Variants in PDZD2 observed in about 807,000 individuals in gnomAD.
The protein encoded by PDZD2 is PDZ domain-containing protein 2.
A neutral mutation model predicts 220.7 loss-of-function variants in PDZD2; 90 were observed. The ratio of observed to expected loss-of-function variants is 0.41; its 90% CI spans 0.34 to 0.49. The LOEUF (loss-of-function observed/expected upper bound fraction) is 0.49, where lower values mean the gene tolerates loss of function less well. PDZD2 is among the 20% of genes least tolerant of loss of function. PDZD2 has a pLI of 0.28. For synonymous variants in PDZD2, 1,375 were observed against 1,450.5 expected (o/e 0.95, Z 1.18); for missense variants, 3,174 against 3,608.5 (o/e 0.88, Z 3.08).
intron 2 of PDZD2, chr5:31,823,095 T>C: frequency 1.2e-6 from 1 of 843,590 alleles, no homozygotes; most frequent in South Asian, 1.3e-5. Flanking sequence ...TATTGACATT[T>C]TCTGGAATGT....
At chr5:31,970,748 C>T (rs950195854) in intron 2 of PDZD2, among the ~76,000 whole-genome samples, 2 of 152,170 alleles carry the variant, frequency 1.3e-5, no homozygotes, top group African/African-American at 2.4e-5. Context: ...TTGTCACCCT[C>T]TTGCTAAAGG....
At chr5:31,811,341 A>G (rs558439917) in intron 2 of PDZD2, among the ~76,000 whole-genome samples, 65 of 152,344 alleles carry the variant, frequency 4.3e-4, no homozygotes, top group African/African-American at 1.4e-3. Flanking sequence ...GTTGAATTGT[A>G]TGGATCTCTT....
chr5:31,956,758 CAAAAAAAAAA>C (rs70957986), intron 2 of PDZD2, among the ~76,000 whole-genome samples: 2 of 73,704 alleles, frequency 2.7e-5, no homozygotes, highest in Non-Finnish European at 4.8e-5. Flanking sequence ...GACTCCATCT[CAAAAAAAAAA>C]AAAAAAAAAA....
intron 2 of PDZD2, among the ~76,000 whole-genome samples, chr5:31,812,072 A>C (rs13182171): frequency 0.24 from 37,188 of 151,904 alleles, 6,078 homozygotes; most frequent in African/African-American, 0.46. Context: ...GTCTCTGTTA[A>C]ATTCCATGGC....
At chr5:31,821,408 G>A (rs1755849323) in intron 2 of PDZD2, among the ~76,000 whole-genome samples, 1 of 149,224 alleles carries the variant, frequency 6.7e-6, no homozygotes, top group Admixed American at 6.7e-5. Flanking sequence ...TTGAGATGGA[G>A]TCTCACTCTG....
intron 2 of PDZD2, among the ~76,000 whole-genome samples, chr5:31,915,072 G>A (rs1225697015): frequency 6.6e-6 from 1 of 152,162 alleles, no homozygotes; most frequent in Non-Finnish European, 1.5e-5. Context: ...AGCTGTAGGG[G>A]GTCTTCATTG....
At chr5:32,029,621 T>G (rs1754969061) in intron 6 of PDZD2, among the ~76,000 whole-genome samples, 2 of 152,066 alleles carry the variant, frequency 1.3e-5, no homozygotes, top group African/African-American at 4.8e-5. Context: ...ATAGGCAACC[T>G]CAGTCTTTTA....
chr5:31,881,326 ATGTG>A (rs67969355), intron 2 of PDZD2, among the ~76,000 whole-genome samples: 13,438 of 123,028 alleles, frequency 0.11, 793 homozygotes, highest in Middle Eastern at 0.15. Flanking sequence ...TTCCATATAT[ATGTG>A]TGTGTGTGTG....
chr5:31,664,513 CAG>C (rs1391342106), intron 1 of PDZD2, among the ~76,000 whole-genome samples: 1 of 151,944 alleles, frequency 6.6e-6, no homozygotes, highest in Non-Finnish European at 1.5e-5. Flanking sequence ...TACACACACA[CAG>C]AAATACATGC....
Position 31,969,937 on chromosome 5 carries a change from TG to T in PDZD2, c.477-13217del, listed in dbSNP as rs570981270. On this transcript the variant is annotated intron_variant, in intron 2 of 24. Transcript: ENST00000438447. Reference sequence around the variant, plus strand: ...TTTTGAGACGGAGTTTCGCTCTTGTTGCCCAGGCTGGAGTGCAGTGGTGTGA... The same window carrying T: ...TTTTGAGACGGAGTTTCGCTCTTGTTCCCAGGCTGGAGTGCAGTGGTGTGA... Among the ~76,000 whole-genome samples, 12 of 152,188 alleles carry T rather than the reference TG, an allele frequency of 7.9e-5. No individual in the cohort carries two copies. In the South Asian group the frequency reaches 2.5e-3, roughly 32 times the overall value.
chr5:32,006,416 TAATC>T (rs1314647579), intron 5 of PDZD2, among the ~76,000 whole-genome samples: 1 of 149,452 alleles, frequency 6.7e-6, no homozygotes, highest in African/African-American at 2.5e-5. Context: ...TTGAGTGGTG[TAATC>T]ATATAGCTCT....
At chr5:31,821,675 G>A (rs1030577513) in intron 2 of PDZD2, among the ~76,000 whole-genome samples, 23 of 152,224 alleles carry the variant, frequency 1.5e-4, no homozygotes, top group Middle Eastern at 3.4e-3. Context: ...CACTGTGCCC[G>A]GCCATGATTT....
chr5:32,074,331 G>A lies in PDZD2; in HGVS notation c.3225G>A (p.Lys1075=), dbSNP rs772573592. ...APKGSPGSWW[K]KELSGSSSAP... Reference sequence around the variant, plus strand: ...AGGGGAGCCCTGGAAGCTGGTGGAAGAAGGAACTGTCAGGATCAAGTAGCG... The same window carrying A: ...AGGGGAGCCCTGGAAGCTGGTGGAAAAAGGAACTGTCAGGATCAAGTAGCG... The change falls in exon 18 of 25, where the codon AAG becomes AAA. Residue 1075 remains lysine, a synonymous_variant. Coordinates refer to ENST00000438447, the MANE Select transcript of PDZD2 (RefSeq NM_178140.4). The A allele has an allele frequency of 8.1e-6, 13 of 1,614,136 alleles. No homozygotes were observed. Among genetic ancestry groups the A allele is most frequent in the South Asian group, 1.1e-5 (1 of 91,094 alleles).
intron 1 of PDZD2, among the ~76,000 whole-genome samples, chr5:31,770,616 G>A (rs1440209481): frequency 2.0e-5 from 3 of 152,162 alleles, no homozygotes; most frequent in Non-Finnish European, 4.4e-5. Context: ...CTTTAGGGTT[G>A]TGAGATTTCC....
rs990724259 is a variant in PDZD2, at chr5:32,098,175, T to C, written c.7948-189T>C. 1.3e-5 allele frequency among the ~76,000 whole-genome samples: 2 copies of C among 152,088 alleles called. No individual in the cohort carries two copies. Among genetic ancestry groups the C allele is most frequent in the Non-Finnish European group, 2.9e-5 (2 of 68,012 alleles). ...CAGGAGGCTGAGGCAGGAGAATCGCTTGAACCCGGGAGGCTGAGATTGCAC... is the reference window on the plus strand; with the variant it reads ...CAGGAGGCTGAGGCAGGAGAATCGCCTGAACCCGGGAGGCTGAGATTGCAC... On this transcript the variant is annotated intron_variant, in intron 22 of 24. Coordinates refer to ENST00000438447, the MANE Select transcript of PDZD2 (RefSeq NM_178140.4). This position sits in a 1 kb window ranked among gnomAD's most constrained non-coding sequence, Gnocchi z 4.1.
intron 2 of PDZD2, among the ~76,000 whole-genome samples, chr5:31,894,066 T>G (rs1741312427): frequency 6.9e-6 from 1 of 144,782 alleles, no homozygotes; most frequent in African/African-American, 2.6e-5. Flanking sequence ...AGCTTTTTTT[T>G]TTTTTTTTTT....
chr5:31,662,403 A>G (rs1476141534), intron 1 of PDZD2, among the ~76,000 whole-genome samples: 1 of 152,228 alleles, frequency 6.6e-6, no homozygotes, highest in Non-Finnish European at 1.5e-5. Flanking sequence ...CAGAATCCAC[A>G]TGCTGCCTGT....
chr5:32,008,438 C>T (rs1444877171), intron 5 of PDZD2, among the ~76,000 whole-genome samples: 1 of 152,056 alleles, frequency 6.6e-6, no homozygotes, highest in Non-Finnish European at 1.5e-5. Flanking sequence ...CCGCCCACCA[C>T]ACCTGGCTAA....
intron 2 of PDZD2, among the ~76,000 whole-genome samples, chr5:31,918,670 A>C (rs1743897357): frequency 6.6e-6 from 1 of 152,126 alleles, no homozygotes. Context: ...GCTCATCCCT[A>C]GCCAGGAAAT....
Sources: gnomAD v4.1 joint callset for allele counts (sites outside exome capture counted in the v4.1 genomes callset) on GRCh38, gnomAD v4.1.1 for gene constraint, Gnocchi (gnomAD v3.1) non-coding constraint, MANE v1.5 for transcripts, NCBI Gene and HGNC (gene_info 2026-07-23, HGNC 2026-07-21) for gene names.